Variants in LY96 observed in about 807,000 individuals in gnomAD.
LY96 encodes lymphocyte antigen 96, also known as myeloid differentiation protein-2.
LY96 carries 18 observed loss-of-function variants against 18.9 expected under a neutral mutation model. That is an observed-to-expected ratio of 0.95 (90% CI 0.66 to 1.41). LY96 has a LOEUF of 1.41. LY96 is among the 40% of genes most tolerant of loss of function. LY96 has a pLI of 0.00. For synonymous variants in LY96, 66 were observed against 62.6 expected, an observed-to-expected ratio of 1.06 and a Z score of -0.26; for missense variants, 175 against 182.4, an observed-to-expected ratio of 0.96 and a Z score of 0.23.
chr8:74,029,383 T>C (rs941311662), downstream of LY96, among the ~76,000 whole-genome samples: 2 of 152,168 alleles, frequency 1.3e-5, no homozygotes, highest in African/African-American at 4.8e-5. Flanking sequence ...TCATCTTGAA[T>C]TGTAGTTCCC....
chr8:74,019,248 T>A (rs7007114), intron 3 of LY96, among the ~76,000 whole-genome samples: 45,539 of 151,906 alleles, frequency 0.3, 9,325 homozygotes, highest in African/African-American at 0.59. Context: ...ATCACCACCG[T>A]TCCCACAGAA....
downstream of LY96, among the ~76,000 whole-genome samples, chr8:74,031,857 C>T (rs1816976934): frequency 6.6e-6 from 1 of 150,730 alleles, no homozygotes; most frequent in South Asian, 2.1e-4. Flanking sequence ...GGCATGGTGG[C>T]TTCTGCCTGT....
At chr8:73,999,575 A>G (rs773338856) in intron 1 of LY96, among the ~76,000 whole-genome samples, 12 of 152,198 alleles carry the variant, frequency 7.9e-5, no homozygotes, top group Non-Finnish European at 1.6e-4. Flanking sequence ...GCTTGTTGAC[A>G]GTATTTAGTA....
chr8:74,069,454 G>A, the LY96 span, among the ~76,000 whole-genome samples: 27 of 152,198 alleles, frequency 1.8e-4, no homozygotes, highest in African/African-American at 6.0e-4. Context: ...GTGATGGGCA[G>A]TGATATTCAC....
the LY96 span, among the ~76,000 whole-genome samples, chr8:74,099,188 G>T: frequency 5.3e-5 from 8 of 152,086 alleles, no homozygotes; most frequent in African/African-American, 1.9e-4. Flanking sequence ...AAAATTCTAA[G>T]CCCCTCAACT....
At chr8:74,080,830 C>T in the LY96 span, among the ~76,000 whole-genome samples, 1 of 152,158 alleles carries the variant, frequency 6.6e-6, no homozygotes, top group Non-Finnish European at 1.5e-5. Flanking sequence ...AATAAAAGCT[C>T]GATTTCCTTT....
At chr8:74,066,904 G>A in the LY96 span, among the ~76,000 whole-genome samples, 2 of 152,228 alleles carry the variant, frequency 1.3e-5, no homozygotes, top group African/African-American at 4.8e-5. Flanking sequence ...GCAGGGGTAA[G>A]CTTTTAAGGC....
intron 3 of LY96, among the ~76,000 whole-genome samples, chr8:74,024,764 G>A (rs757010389): frequency 5.3e-5 from 8 of 151,774 alleles, no homozygotes; most frequent in Non-Finnish European, 7.4e-5. Flanking sequence ...TATTGTATTT[G>A]GAATGGTTTC....
chr8:74,088,716 G>A, the LY96 span, among the ~76,000 whole-genome samples: 1 of 152,164 alleles, frequency 6.6e-6, no homozygotes, highest in African/African-American at 2.4e-5. Context: ...CTCCCAAGTA[G>A]CTGGGATTAC....
the LY96 span, among the ~76,000 whole-genome samples, chr8:74,060,879 C>T: frequency 6.6e-6 from 1 of 152,170 alleles, no homozygotes; most frequent in Non-Finnish European, 1.5e-5. Flanking sequence ...TCTGGTAATC[C>T]AGTTTTCCGG....
At chr8:74,068,101 TAAC>T in the LY96 span, among the ~76,000 whole-genome samples, 1 of 130,882 alleles carries the variant, frequency 7.6e-6, no homozygotes, top group African/African-American at 3.0e-5. Context: ...TATATATATA[TAAC>T]ATTTCCTTCA....
the LY96 span, among the ~76,000 whole-genome samples, chr8:74,059,040 C>G: frequency 1.3e-5 from 2 of 152,152 alleles, no homozygotes; most frequent in Admixed American, 1.3e-4. Flanking sequence ...TTTAGGCCTT[C>G]CACGGATTGA....
At chr8:74,053,838 T>A in the LY96 span, among the ~76,000 whole-genome samples, 1 of 152,298 alleles carries the variant, frequency 6.6e-6, no homozygotes, top group Non-Finnish European at 1.5e-5. Flanking sequence ...AAGACCCCCA[T>A]GGTGAGACTG....
intron 3 of LY96, among the ~76,000 whole-genome samples, chr8:74,016,452 G>A (rs979604681): frequency 6.6e-5 from 10 of 152,190 alleles, no homozygotes; most frequent in African/African-American, 2.4e-4. Context: ...TGAACAAAAG[G>A]CAGCAGAAAC....
At chr8:74,025,198 C>T (rs1019825388) in intron 3 of LY96, among the ~76,000 whole-genome samples, 2 of 152,182 alleles carry the variant, frequency 1.3e-5, no homozygotes, top group African/African-American at 4.8e-5. Flanking sequence ...AGTTGTACTA[C>T]CATTGTCTTC....
intron 3 of LY96, among the ~76,000 whole-genome samples, chr8:74,018,413 A>C (rs1226652036): frequency 6.6e-6 from 1 of 152,170 alleles, no homozygotes; most frequent in Non-Finnish European, 1.5e-5. Context: ...GAGCACCCAG[A>C]TTCATAAAGC....
At chr8:74,026,370 G>A (rs542916929) in intron 3 of LY96, among the ~76,000 whole-genome samples, 2 of 152,332 alleles carry the variant, frequency 1.3e-5, no homozygotes, top group South Asian at 2.1e-4. Flanking sequence ...ATTGGGAGGA[G>A]CTTCAGTATT....
chr8:74,010,173 T>A, intron 3 of LY96, 44 bp downstream of exon 3: 1 of 1,541,500 alleles, frequency 6.5e-7, no homozygotes, highest in African/African-American at 1.4e-5. Context: ...GAAATAATTC[T>A]TTATGAAAAT....
At chr8:74,026,739 A>G (rs1273386345) in intron 3 of LY96, 50 bp from the exon 4 acceptor site, 2 of 1,055,434 alleles carry the variant, frequency 1.9e-6, no homozygotes, top group Admixed American at 3.5e-5. Flanking sequence ...AGAAAAAAAT[A>G]TCACCTAACC....
Sources: allele counts gnomAD v4.1 joint callset (sites outside exome capture counted in the v4.1 genomes callset), GRCh38; gene constraint gnomAD v4.1.1; transcripts MANE v1.5; gene names NCBI Gene and HGNC (gene_info 2026-07-23, HGNC 2026-07-21).